The following USP15 variants were observed in gnomAD, a reference collection of about 807,000 sequenced individuals.
USP15 encodes the protein ubiquitin specific peptidase 15.
Under a neutral mutation model 127.1 loss-of-function variants are expected in USP15, and 18 were observed. The ratio of observed to expected loss-of-function variants is 0.14; its 90% CI spans 0.10 to 0.21. USP15 has a LOEUF of 0.21. USP15 is among the 10% of genes least tolerant of loss of function. The pLI is 1.00. For missense variants in USP15, 805 were observed against 1,159.9 expected, an observed-to-expected ratio of 0.69 and a Z score of 4.44; for synonymous variants, 364 against 393.7, an observed-to-expected ratio of 0.92 and a Z score of 0.89.
chr12:62,262,229 C>T (rs1273108766), intron 1 of USP15, among the ~76,000 whole-genome samples: 1 of 151,154 alleles, frequency 6.6e-6, no homozygotes, highest in Non-Finnish European at 1.5e-5. Context: ...CGTGAGACTC[C>T]ATCTCAAAAA....
At chr12:62,329,165 A>AT (rs1305308525) in intron 6 of USP15, among the ~76,000 whole-genome samples, 2 of 152,144 alleles carry the variant, frequency 1.3e-5, no homozygotes, top group Non-Finnish European at 2.9e-5. Context: ...AGTGGTCAGG[A>AT]GTTCAAGACC....
chr12:62,355,240 C>A, intron 7 of USP15, 91 bp from the exon 8 acceptor site: 1 of 1,134,180 alleles, frequency 8.8e-7, no homozygotes, highest in South Asian at 2.0e-5. Context: ...TAATGATCAA[C>A]CACATATCTC....
intron 8 of USP15, among the ~76,000 whole-genome samples, chr12:62,359,530 C>G (rs1272839282): frequency 6.6e-6 from 1 of 152,066 alleles, no homozygotes; most frequent in Non-Finnish European, 1.5e-5. Flanking sequence ...ATTATCTCAT[C>G]TTTTTTTAAA....
At position 62,405,181 on chromosome 12, in the gene USP15, GCTGT is replaced by G. The variant is rs908168798; in HGVS notation, c.*811_*814del. The G allele has an allele frequency of 4.6e-5, 7 of 151,978 alleles. No individual in the cohort carries two copies. Among genetic ancestry groups the G allele is most frequent in the African/African-American group, 7.2e-5 (3 of 41,390 alleles). The allele number at this position is 151,978 out of a possible 1,614,324, so 9.4% of individuals were successfully genotyped here. A position where few individuals can be genotyped will look rare whatever the true frequency, so the allele number is the denominator to read the frequency against. ...GTGTTGGTCCAAAATTAAAATTTTT[GCTGT>G]CTGTTTTTCTCTACCCCATTTTGTG... On this transcript the variant is annotated 3_prime_UTR_variant, in exon 22 of 22. Coordinates refer to ENST00000280377, the MANE Select transcript of USP15 (RefSeq NM_001252078.2).
chr12:62,270,336 T>C (rs1486457270), intron 1 of USP15, among the ~76,000 whole-genome samples: 2 of 152,150 alleles, frequency 1.3e-5, no homozygotes, highest in Non-Finnish European at 2.9e-5. Context: ...CTTGGTAGTG[T>C]CCACTGAAAC....
chr12:62,269,304 A>G (rs1052816732), intron 1 of USP15, among the ~76,000 whole-genome samples: 2 of 152,116 alleles, frequency 1.3e-5, no homozygotes, highest in African/African-American at 4.8e-5. Context: ...ACTGTAGTCA[A>G]TTCTAATACA....
intron 1 of USP15, among the ~76,000 whole-genome samples, chr12:62,276,278 A>G (rs1396668885): frequency 6.6e-6 from 1 of 152,136 alleles, no homozygotes; most frequent in East Asian, 1.9e-4. Context: ...GGTTTCATTT[A>G]TAAAGCATTG....
Position 62,391,504 on chromosome 12 carries a change from A to G in USP15, c.2233+75A>G. 3.3e-6 allele frequency: 5 copies of G among 1,538,114 alleles called. No individual in the cohort carries two copies. In the South Asian group the frequency reaches 4.9e-5, roughly 15 times the overall value. On this transcript the variant is annotated intron_variant, in intron 16 of 21. Coordinates refer to ENST00000280377, the MANE Select transcript of USP15 (RefSeq NM_001252078.2). ...ATTTTTTTTTTAGGTGAAAACCATGAAATTCAGCTCTGTCAAGAAATATAC... is the reference window on the plus strand; with the variant it reads ...ATTTTTTTTTTAGGTGAAAACCATGGAATTCAGCTCTGTCAAGAAATATAC...
intron 1 of USP15, among the ~76,000 whole-genome samples, chr12:62,264,879 C>T (rs531950826): frequency 5.3e-5 from 8 of 152,086 alleles, no homozygotes; most frequent in South Asian, 2.1e-4. Context: ...AGGGTGTTTA[C>T]GACCAGAGTA....
Position 62,374,905 on chromosome 12 carries a change from A to T in USP15, c.916-6585A>T, listed in dbSNP as rs546653917. Among the ~76,000 whole-genome samples the T allele has an allele frequency of 1.6e-4, 25 of 152,238 alleles. No homozygotes were observed. In the Middle Eastern group the frequency reaches 0.014, roughly 83 times the overall value. On this transcript the variant is annotated intron_variant, in intron 8 of 21. Coordinates refer to ENST00000280377, the MANE Select transcript of USP15 (RefSeq NM_001252078.2). ...ATAACAAAAGAAAATCATATTTTGCATAATATTTCAGTTTTAGGATATTAG... is the reference window on the plus strand; with the variant it reads ...ATAACAAAAGAAAATCATATTTTGCTTAATATTTCAGTTTTAGGATATTAG...
intron 1 of USP15, among the ~76,000 whole-genome samples, chr12:62,290,030 C>G (rs1339954076): frequency 1.3e-5 from 2 of 151,986 alleles, no homozygotes; most frequent in African/African-American, 2.4e-5. Flanking sequence ...TTGTGGCATA[C>G]CATATGGCCT....
chr12:62,386,684 C>T (rs575882259), intron 11 of USP15, among the ~76,000 whole-genome samples: 5 of 151,964 alleles, frequency 3.3e-5, no homozygotes, highest in South Asian at 2.1e-4. Context: ...AGCTAGATCA[C>T]GAAGAACTTT....
At chr12:62,273,094 T>C (rs1326412171) in intron 1 of USP15, among the ~76,000 whole-genome samples, 1 of 152,014 alleles carries the variant, frequency 6.6e-6, no homozygotes, top group Non-Finnish European at 1.5e-5. Context: ...TGTCATAAAC[T>C]CCAACTTTAT....
chr12:62,314,920 A>C lies in USP15; in HGVS notation c.475+4A>C. The stretch of plus-strand genomic sequence containing the variant: ...TTTAGCAAAGCTGACACAATAGGTA[A>C]TGCAAGATCCTGTCTTGTTTTTAAT... On this transcript the variant is annotated splice_donor_region_variant and intron_variant, in intron 4 of 21. Coordinates refer to ENST00000280377, the MANE Select transcript of USP15 (RefSeq NM_001252078.2). The C allele has an allele frequency of 6.4e-7, 1 of 1,570,064 alleles. No homozygotes were observed. Among genetic ancestry groups the C allele is most frequent in the Non-Finnish European group, 8.6e-7 (1 of 1,158,780 alleles).
rs185629962 is a variant in USP15, at chr12:62,334,774, A to G, written c.683+8841A>G. 1.2e-4 allele frequency among the ~76,000 whole-genome samples: 19 copies of G among 152,328 alleles called. No homozygotes were observed. In the East Asian group the frequency reaches 2.9e-3, roughly 23 times the overall value. The stretch of plus-strand genomic sequence containing the variant: ...TTTAAATAACTGTTTTGCTGTCTCA[A>G]CGTTCAGACTTAACTTCTCTGTATT... On this transcript the variant is annotated intron_variant, in intron 6 of 21. Transcript: ENST00000280377.
At chr12:62,270,893 A>T (rs925381964) in intron 1 of USP15, among the ~76,000 whole-genome samples, 3 of 152,066 alleles carry the variant, frequency 2.0e-5, no homozygotes, top group Non-Finnish European at 2.9e-5. Context: ...TGACACACTC[A>T]TCTTTTTGCA....
In USP15 at chr12:62,414,578, C is replaced by A. The variant is rs1414138512; in HGVS notation, c.*10203C>A. 1 of 152,344 alleles carries A rather than the reference C, an allele frequency of 6.6e-6. No individual in the cohort carries two copies. The highest frequency in any genetic ancestry group is 2.4e-5 in the African/African-American group (1 of 41,456). The allele number at this position is 152,344 out of a possible 1,614,324, so 9.4% of individuals were successfully genotyped here. A position where few individuals can be genotyped will look rare whatever the true frequency, so the allele number is the denominator to read the frequency against. ...TTTTGAAGTCTTGAACTCAGGCGATCCATCCACCTCGGCCTCCCAAAGTGC... is the reference window on the plus strand; with the variant it reads ...TTTTGAAGTCTTGAACTCAGGCGATACATCCACCTCGGCCTCCCAAAGTGC... On this transcript the variant is annotated 3_prime_UTR_variant, in exon 22 of 22. Transcript: ENST00000280377.
intron 3 of USP15, chr12:62,312,459 A>C: frequency 6.4e-6 from 1 of 155,956 alleles, no homozygotes; most frequent in South Asian, 1.7e-4. Context: ...ATCCTCTGTA[A>C]ACTTATATGT....
chr12:62,275,214 T>C, intron 1 of USP15, among the ~76,000 whole-genome samples: 1 of 152,100 alleles, frequency 6.6e-6, no homozygotes, highest in East Asian at 1.9e-4. Context: ...TGACATGGAC[T>C]AATAGGAATT....
Sources: gnomAD v4.1 joint callset for allele counts (sites outside exome capture counted in the v4.1 genomes callset) on GRCh38, gnomAD v4.1.1 for gene constraint, MANE v1.5 for transcripts, NCBI Gene and HGNC (gene_info 2026-07-23, HGNC 2026-07-21) for gene names.